Variants in SWT1 observed in about 807,000 individuals in gnomAD.
SWT1 encodes the protein transcriptional protein SWT1.
A neutral mutation model predicts 107.3 loss-of-function variants in SWT1; 33 were observed. The ratio of observed to expected loss-of-function variants is 0.31; its 90% confidence interval spans 0.23 to 0.41. The LOEUF is 0.41. SWT1 is among the 10% of genes least tolerant of loss of function. The probability of loss-of-function intolerance (pLI) is 1.00; values close to 1 mark genes in which losing one functional copy is unlikely to be tolerated. For synonymous variants in SWT1, 345 were observed against 348.3 expected (o/e 0.99, Z 0.11); for missense variants, 898 against 1,028.9 (o/e 0.87, Z 1.74).
intron 6 of SWT1, among the ~76,000 whole-genome samples, 197 bp downstream of exon 6, chr1:185,180,647 T>C (rs1344116545): frequency 6.6e-6 from 1 of 152,200 alleles, no homozygotes; most frequent in African/African-American, 2.4e-5. Flanking sequence ...TTACTTTTGT[T>C]TCTAGTAAGG....
Position 185,184,823 on chromosome 1 carries a change from C to T in SWT1, c.1321C>T (p.Arg441Cys), listed in dbSNP as rs149972533. 2.8e-5 allele frequency: 45 copies of T among 1,602,648 alleles called. No homozygotes were observed. Among genetic ancestry groups the T allele is most frequent in the Middle Eastern group, 1.7e-4 (1 of 6,042 alleles). Residue 441 changes from arginine to cysteine, a missense_variant, in exon 9 of 19, where the codon CGT becomes TGT. Transcript: ENST00000367500. ...DRMKEGKLLK[R>C]AQHKAIPAVH... is the part of the protein sequence containing the mutation. ...TATGAAGGAAGGAAAACTACTAAAACGTGCCCAGCACAAAGCTATACCTGC... is the reference window on the plus strand; with the variant it reads ...TATGAAGGAAGGAAAACTACTAAAATGTGCCCAGCACAAAGCTATACCTGC...
intron 16 of SWT1, among the ~76,000 whole-genome samples, chr1:185,242,359 C>T (rs1041613153): frequency 2.0e-4 from 30 of 152,016 alleles, no homozygotes; most frequent in African/African-American, 7.0e-4. Flanking sequence ...CTGTATGTTA[C>T]TGAAGATAAT....
chr1:185,214,665 C>T lies in SWT1; in HGVS notation c.2121+10C>T, dbSNP rs377074840. On this transcript the variant is annotated intron_variant, in intron 14 of 18. Coordinates refer to ENST00000367500, the MANE Select transcript of SWT1 (RefSeq NM_017673.7). ...TCAGACATTTGCAGAGGTAAGATGC[C>T]TTTGGAATGCCAGTTAGAGTAGCTA... 1.9e-6 allele frequency: 3 copies of T among 1,595,956 alleles called. No individual in the cohort carries two copies. The highest frequency in any genetic ancestry group is 2.3e-5 in the East Asian group (1 of 44,292).
In SWT1 at chr1:185,160,827, T is replaced by C; in HGVS notation, c.-9-6T>C. ...ACAAATCCTATATTTTTAATGTTTA[T>C]GTTAGCTTTTCAGGATGTCCAGCAA... On this transcript the variant is annotated splice_region_variant and splice_polypyrimidine_tract_variant and intron_variant, in intron 1 of 18. Coordinates refer to ENST00000367500, the MANE Select transcript of SWT1 (RefSeq NM_017673.7). 1 of 1,600,738 alleles carries C rather than the reference T, an allele frequency of 6.2e-7. No homozygotes were observed. Among genetic ancestry groups the C allele is most frequent in the Non-Finnish European group, 8.5e-7 (1 of 1,173,190 alleles).
At chr1:185,179,468 A>G (rs1430769016) in intron 5 of SWT1, among the ~76,000 whole-genome samples, 1 of 152,150 alleles carries the variant, frequency 6.6e-6, no homozygotes, top group Non-Finnish European at 1.5e-5. Context: ...TGGAATTTGG[A>G]GGGAGATTTT....
chr1:185,175,118 G>A lies in SWT1; in HGVS notation c.966+5G>A. On this transcript the variant is annotated splice_donor_5th_base_variant and intron_variant, in intron 5 of 18. Transcript: ENST00000367500. ...TCTAGGGAAAACCTAACCCAGGTAA[G>A]GTAGTAAAAAATGAAGAATATAGGT... The A allele has an allele frequency of 2.0e-6, 3 of 1,499,310 alleles. No individual in the cohort carries two copies. Among genetic ancestry groups the A allele is most frequent in the South Asian group, 1.4e-5 (1 of 70,418 alleles). The allele number at this position is 1,499,310 out of a possible 1,614,324, so 92.9% of individuals were successfully genotyped here. A position where few individuals can be genotyped will look rare whatever the true frequency, so the allele number is the denominator to read the frequency against.
intron 10 of SWT1, among the ~76,000 whole-genome samples, chr1:185,199,379 G>A (rs1222120729): frequency 6.6e-6 from 1 of 152,156 alleles, no homozygotes; most frequent in Non-Finnish European, 1.5e-5. Context: ...TTTTGCAGTG[G>A]CTGGTACTGG....
chr1:185,208,621 G>A (rs1658516405), intron 13 of SWT1, among the ~76,000 whole-genome samples: 1 of 151,982 alleles, frequency 6.6e-6, no homozygotes, highest in South Asian at 2.1e-4. Flanking sequence ...CCATAAATAT[G>A]TACAATTATT....
intron 16 of SWT1, among the ~76,000 whole-genome samples, chr1:185,244,280 A>G (rs1026408251): frequency 2.0e-5 from 3 of 152,056 alleles, no homozygotes; most frequent in Non-Finnish European, 4.4e-5. Context: ...TTCTTGTGTG[A>G]GCATTATAGA....
intron 17 of SWT1, among the ~76,000 whole-genome samples, chr1:185,272,910 C>T (rs1438215758): frequency 6.6e-6 from 1 of 151,808 alleles, no homozygotes; most frequent in Non-Finnish European, 1.5e-5. Flanking sequence ...GTGGCATGCA[C>T]CTGTGGTCCC....
intron 18 of SWT1, among the ~76,000 whole-genome samples, chr1:185,278,024 A>G (rs113379186): frequency 0.024 from 3,626 of 151,858 alleles, 135 homozygotes; most frequent in African/African-American, 0.082. Flanking sequence ...GGGTCTCACT[A>G]TGTTGCCCAG....
At chr1:185,246,789 A>G (rs940155485) in intron 16 of SWT1, among the ~76,000 whole-genome samples, 1 of 150,382 alleles carries the variant, frequency 6.6e-6, no homozygotes, top group African/African-American at 2.5e-5. Context: ...TCCACCATGC[A>G]TGGCTAATAT....
At chr1:185,275,242 A>C (rs1355094411) in intron 17 of SWT1, among the ~76,000 whole-genome samples, 1 of 151,912 alleles carries the variant, frequency 6.6e-6, no homozygotes, top group African/African-American at 2.4e-5. Flanking sequence ...CCGTGTTCTG[A>C]TACATTGATG....
chr1:185,241,136 TTAAAC>T (rs1661231903), intron 16 of SWT1, among the ~76,000 whole-genome samples: 1 of 152,120 alleles, frequency 6.6e-6, no homozygotes, highest in Admixed American at 6.6e-5. Flanking sequence ...GGCTACTTCT[TTAAAC>T]TAGTTGTTGA....
At chr1:185,192,708 C>T (rs988064920) in intron 10 of SWT1, among the ~76,000 whole-genome samples, 3 of 149,596 alleles carry the variant, frequency 2.0e-5, no homozygotes, top group African/African-American at 4.9e-5. Flanking sequence ...AGTGCAGTGG[C>T]GCCATCTCGG....
chr1:185,256,430 G>C (rs1450954698), intron 16 of SWT1, among the ~76,000 whole-genome samples: 1 of 151,464 alleles, frequency 6.6e-6, no homozygotes, highest in African/African-American at 2.4e-5. Flanking sequence ...ATCAGACGTA[G>C]ATTTGGTCTT....
At chr1:185,278,407 T>A (rs1055657588) in intron 18 of SWT1, among the ~76,000 whole-genome samples, 1 of 152,128 alleles carries the variant, frequency 6.6e-6, no homozygotes, top group African/African-American at 2.4e-5. Context: ...ATCTTGAACT[T>A]CCCAGCCTCC....
At chr1:185,220,235 TTTTC>T (rs1339372624) in intron 14 of SWT1, among the ~76,000 whole-genome samples, 5 of 150,280 alleles carry the variant, frequency 3.3e-5, no homozygotes, top group South Asian at 2.1e-4. Context: ...TCTCTTTTTC[TTTTC>T]TTTCTTTCTT....
chr1:185,173,972 GTTT>G (rs1314032474), intron 4 of SWT1, among the ~76,000 whole-genome samples: 4 of 152,176 alleles, frequency 2.6e-5, no homozygotes, highest in Non-Finnish European at 5.9e-5. Context: ...AGTGAGCCAT[GTTT>G]GCATCACTGC....
Sources: gnomAD v4.1 joint callset for allele counts (sites outside exome capture counted in the v4.1 genomes callset) on GRCh38, gnomAD v4.1.1 for gene constraint, MANE v1.5 for transcripts, NCBI Gene and HGNC (gene_info 2026-07-23, HGNC 2026-07-21) for gene names.